Variants in ENTREP2 observed in about 807,000 individuals in gnomAD.
ENTREP2 encodes endosomal transmembrane epsin interactor 2, also known as protein ENTREP2.
chr15:29,269,219 C>A, the ENTREP2 span: 4 of 1,614,156 alleles, frequency 2.5e-6, no homozygotes, highest in East Asian at 6.7e-5. Flanking sequence ...TCGGCATCCT[C>A]CTCCACAGGC....
chr15:29,608,662 G>C, the ENTREP2 span, among the ~76,000 whole-genome samples: 3 of 151,720 alleles, frequency 2.0e-5, 1 homozygote, highest in South Asian at 6.3e-4. Flanking sequence ...TCGCCTCCCA[G>C]GTTCGCCCAT....
the ENTREP2 span, among the ~76,000 whole-genome samples, chr15:29,501,276 A>G: frequency 6.6e-6 from 1 of 151,964 alleles, no homozygotes; most frequent in Non-Finnish European, 1.5e-5. Flanking sequence ...AACATTCTCA[A>G]CAAAACATTA....
the ENTREP2 span, among the ~76,000 whole-genome samples, chr15:29,637,563 T>A: frequency 6.6e-6 from 1 of 151,994 alleles, no homozygotes; most frequent in Admixed American, 6.6e-5. Context: ...AGTGAGAGAG[T>A]GAGTGTCCTT....
At chr15:29,120,036 C>T in the ENTREP2 span, among the ~76,000 whole-genome samples, 1 of 152,246 alleles carries the variant, frequency 6.6e-6, no homozygotes, top group Non-Finnish European at 1.5e-5. Context: ...CCATGGCCAG[C>T]GTGGACGGGC....
At chr15:29,466,251 T>C in the ENTREP2 span, among the ~76,000 whole-genome samples, 4 of 152,138 alleles carry the variant, frequency 2.6e-5, no homozygotes, top group Admixed American at 6.5e-5. Context: ...TGAGAGAGAC[T>C]ACACAAGAGA....
chr15:29,263,483 T>C, the ENTREP2 span, among the ~76,000 whole-genome samples: 1 of 152,084 alleles, frequency 6.6e-6, no homozygotes, highest in African/African-American at 2.4e-5. Context: ...TGTGGGACAT[T>C]GGAGCCCACG....
At chr15:29,272,513 C>T in the ENTREP2 span, among the ~76,000 whole-genome samples, 15 of 152,076 alleles carry the variant, frequency 9.9e-5, no homozygotes, top group African/African-American at 2.9e-4. Flanking sequence ...TGAAGGATGA[C>T]GAGGTTCATA....
At chr15:29,607,294 CTCT>C in the ENTREP2 span, among the ~76,000 whole-genome samples, 3 of 146,682 alleles carry the variant, frequency 2.0e-5, no homozygotes, top group Non-Finnish European at 3.0e-5. Context: ...AAATCCTTCT[CTCT>C]TCATTTCTTT....
At chr15:29,235,237 T>A in the ENTREP2 span, 1 of 532,688 alleles carries the variant, frequency 1.9e-6, no homozygotes, top group Non-Finnish European at 3.4e-6. Context: ...TATAGAACAT[T>A]TAAAAAAATA....
the ENTREP2 span, among the ~76,000 whole-genome samples, chr15:29,628,660 T>C: frequency 6.6e-6 from 1 of 152,180 alleles, no homozygotes; most frequent in Non-Finnish European, 1.5e-5. Context: ...CTTTTTTCAG[T>C]TCTGTTTTTA....
chr15:29,429,285 G>C, the ENTREP2 span, among the ~76,000 whole-genome samples: 8 of 152,232 alleles, frequency 5.3e-5, no homozygotes, highest in South Asian at 1.0e-3. Flanking sequence ...GCACTGGTGC[G>C]ATCTTGGCTC....
the ENTREP2 span, chr15:29,122,232 C>T: frequency 6.6e-6 from 1 of 151,830 alleles, no homozygotes; most frequent in East Asian, 1.9e-4. Context: ...CTGATGCCAC[C>T]AGAAAACAAG....
the ENTREP2 span, among the ~76,000 whole-genome samples, chr15:29,290,647 A>G: frequency 2.2e-3 from 340 of 152,342 alleles, 2 homozygotes; most frequent in South Asian, 0.013. Context: ...CAATTCTGTT[A>G]AAAGAATGGC....
chr15:29,631,510 G>A, the ENTREP2 span, among the ~76,000 whole-genome samples: 11 of 152,194 alleles, frequency 7.2e-5, no homozygotes, highest in African/African-American at 2.7e-4. Flanking sequence ...GTTTGTTAGT[G>A]TGCCACCTGC....
chr15:29,668,298 G>A, the ENTREP2 span, among the ~76,000 whole-genome samples: 2 of 152,128 alleles, frequency 1.3e-5, no homozygotes, highest in Non-Finnish European at 2.9e-5. Flanking sequence ...CAATCACAAA[G>A]CAGAAAAGGA....
the ENTREP2 span, among the ~76,000 whole-genome samples, chr15:29,438,225 G>T: frequency 6.6e-6 from 1 of 152,180 alleles, no homozygotes; most frequent in Non-Finnish European, 1.5e-5. Flanking sequence ...AAGGGGAAGT[G>T]CCTTGCACTG....
the ENTREP2 span, among the ~76,000 whole-genome samples, chr15:29,671,484 ATTAG>A: frequency 2.6e-5 from 4 of 152,120 alleles, no homozygotes; most frequent in Non-Finnish European, 4.4e-5. Context: ...TCAATCTGAC[ATTAG>A]TTAGTGTCAG....
At chr15:29,250,253 A>C in the ENTREP2 span, among the ~76,000 whole-genome samples, 1 of 152,158 alleles carries the variant, frequency 6.6e-6, no homozygotes, top group Non-Finnish European at 1.5e-5. Flanking sequence ...TGCTGCACAC[A>C]TTGCCCCCAA....
chr15:29,378,717 T>G, the ENTREP2 span, among the ~76,000 whole-genome samples: 1 of 152,290 alleles, frequency 6.6e-6, no homozygotes, highest in South Asian at 2.1e-4. Flanking sequence ...GCCAATTCTT[T>G]AAAATAAATA....
Sources: allele counts gnomAD v4.1 joint callset (sites outside exome capture counted in the v4.1 genomes callset), GRCh38; gene constraint gnomAD v4.1.1; transcripts MANE v1.5; gene names NCBI Gene and HGNC (gene_info 2026-07-23, HGNC 2026-07-21).